The following TKTL1 variants were observed in gnomAD, a reference collection of about 807,000 sequenced individuals.
The protein encoded by TKTL1 is transketolase-like protein 1.
TKTL1 carries 1 observed loss-of-function variant against 39.3 expected under a neutral mutation model. That is an observed-to-expected ratio of 0.03 (90% CI 0.01 to 0.12). The LOEUF (loss-of-function observed/expected upper bound fraction) is 0.12, where lower values mean the gene tolerates loss of function less well. Ranked by LOEUF, TKTL1 falls within the 10% of genes least tolerant of loss-of-function variation. The pLI is 1.00. For synonymous variants in TKTL1, 262 were observed against 193.8 expected, an observed-to-expected ratio of 1.35 and a Z score of -2.92; for missense variants, 575 against 509.6, an observed-to-expected ratio of 1.13 and a Z score of -1.24.
intron 1 of TKTL1, among the ~76,000 whole-genome samples, chrX:154,298,339 C>CT (rs1557165109): frequency 9.0e-6 from 1 of 111,534 alleles, no homozygotes; most frequent in Admixed American, 9.6e-5. Flanking sequence ...CTCTCAGCCT[C>CT]TTGAGTAGCT....
At chrX:154,315,937 G>T (rs1169338815) in intron 7 of TKTL1, among the ~76,000 whole-genome samples, 1 of 111,622 alleles carries the variant, frequency 9.0e-6, no homozygotes, top group Non-Finnish European at 1.9e-5. Flanking sequence ...AGAGGAAGGA[G>T]TTATGGCCAG....
Position 154,315,262 on chromosome X carries a change from C to T in TKTL1, c.954C>T (p.Tyr318=). ...TTGTGCTGGATGGTGACACCAGGTA[C>T]TCTACTTTCTCTGAGATATTCAACA... The part of the protein sequence containing the change: ...RVVVLDGDTR[Y]STFSEIFNKE... Residue 318 remains tyrosine, a synonymous_variant, in exon 7 of 13, where the codon TAC becomes TAT. Transcript: ENST00000369915. The T allele has an allele frequency of 2.5e-6, 3 of 1,210,783 alleles. No homozygotes were observed. The highest frequency in any genetic ancestry group is 3.4e-6 in the Non-Finnish European group (3 of 894,963).
chrX:154,305,950 G>T (rs1294357056), intron 2 of TKTL1, among the ~76,000 whole-genome samples: 2 of 111,668 alleles, frequency 1.8e-5, no homozygotes, highest in Admixed American at 1.9e-4. Flanking sequence ...AACAAGGTCA[G>T]TTTGAGAATG....
intron 7 of TKTL1, among the ~76,000 whole-genome samples, chrX:154,315,996 A>G (rs782218944): frequency 8.9e-6 from 1 of 112,031 alleles, no homozygotes; most frequent in Non-Finnish European, 1.9e-5. Context: ...GATGATGCCC[A>G]GCTCCTGTCA....
chrX:154,315,147 A>G lies in TKTL1; in HGVS notation c.865-26A>G, dbSNP rs782299754. On this transcript the variant is annotated intron_variant, in intron 6 of 12. Coordinates refer to ENST00000369915, the MANE Select transcript of TKTL1 (RefSeq NM_012253.4). The stretch of plus-strand genomic sequence containing the variant: ...TTCTAAATGCATTTGAAGAAACTCT[A>G]CCACCTGATTGTCTCTGTCTTCTAG... 2.0e-5 allele frequency: 24 copies of G among 1,198,002 alleles called. No individual in the cohort carries two copies. The South Asian group carries it at 4.4e-4, about 22-fold the overall frequency.
intron 1 of TKTL1, among the ~76,000 whole-genome samples, chrX:154,296,250 G>A (rs953488656): frequency 9.0e-6 from 1 of 111,396 alleles, no homozygotes; most frequent in Non-Finnish European, 1.9e-5. Context: ...TTTACCCACG[G>A]CCAAAGTTCT....
chrX:154,302,777 C>CTA (rs2067283575), intron 1 of TKTL1, among the ~76,000 whole-genome samples: 1 of 111,607 alleles, frequency 9.0e-6, no homozygotes, highest in Admixed American at 9.5e-5. Flanking sequence ...AATCCAGTGA[C>CTA]TAGTGTCCTT....
intron 5 of TKTL1, 132 bp from the exon 6 acceptor site, chrX:154,312,448 C>T: frequency 1.6e-6 from 1 of 609,168 alleles, no homozygotes; most frequent in Non-Finnish European, 2.5e-6. Context: ...GCGTCCCAGG[C>T]CCTCTGTGCC....
chrX:154,302,358 C>T (rs1197739436), intron 1 of TKTL1, among the ~76,000 whole-genome samples: 1 of 111,509 alleles, frequency 9.0e-6, no homozygotes, highest in Non-Finnish European at 1.9e-5. Context: ...TAAGAAATGC[C>T]AAGACTGGGT....
chrX:154,309,359 G>T lies in TKTL1; in HGVS notation c.267G>T (p.Val89=). The part of the protein sequence containing the change: ...RFVLAKRLSF[V]DVATGWLGQG... ...TTCTCTTACAGAGACTGTCGTTTGT[G>T]GATGTGGCAACAGGATGGCTCGGAC... Residue 89 remains valine (V), a synonymous_variant, in exon 3 of 13, where the codon GTG becomes GTT. Transcript: ENST00000369915. 8.3e-7 allele frequency: 1 copy of T among 1,211,377 alleles called. No homozygotes were observed. Among genetic ancestry groups the T allele is most frequent in the Non-Finnish European group, 1.1e-6 (1 of 894,880 alleles).
intron 12 of TKTL1, among the ~76,000 whole-genome samples, chrX:154,328,592 A>AAAAAAAG (rs2067512413): frequency 1.1e-5 from 1 of 92,199 alleles, no homozygotes; most frequent in Non-Finnish European, 2.1e-5. Context: ...AAAAAAAAAA[A>AAAAAAAG]GTGTGCCCCG....
chrX:154,319,170 A>G (rs1557170086), intron 7 of TKTL1, among the ~76,000 whole-genome samples: 1 of 112,310 alleles, frequency 8.9e-6, no homozygotes, highest in African/African-American at 3.2e-5. Flanking sequence ...AAGTTTTGTT[A>G]GAGGAATGTC....
intron 1 of TKTL1, among the ~76,000 whole-genome samples, chrX:154,303,866 G>A (rs1461632824): frequency 1.9e-5 from 2 of 107,248 alleles, no homozygotes; most frequent in Non-Finnish European, 3.9e-5. Flanking sequence ...GCTCATTCAG[G>A]TCATCGTGTT....
At chrX:154,304,775 C>T in intron 1 of TKTL1, 2 of 243,231 alleles carry the variant, frequency 8.2e-6, no homozygotes, top group South Asian at 4.4e-5. Flanking sequence ...CTTGTCCCCT[C>T]CCCCTTTTTA....
Position 154,311,047 on chromosome X carries a change from C to A in TKTL1, c.542+20C>A, listed in dbSNP as rs1557168232. 9.1e-6 allele frequency: 11 copies of A among 1,211,174 alleles called. No individual in the cohort carries two copies. The highest frequency in any genetic ancestry group is 1.2e-5 in the Non-Finnish European group (11 of 894,948). Reference sequence around the variant, plus strand: ...CTTTGGGTAACTGTATTCTCTTGTGCTTGATTTCCATTCTGTCCTGCCCCC... The same window carrying A: ...CTTTGGGTAACTGTATTCTCTTGTGATTGATTTCCATTCTGTCCTGCCCCC... On this transcript the variant is annotated intron_variant, in intron 4 of 12. Transcript: ENST00000369915.
At chrX:154,309,494 C>T in intron 3 of TKTL1, 52 bp downstream of exon 3, 1 of 1,044,772 alleles carries the variant, frequency 9.6e-7, no homozygotes. Flanking sequence ...ACATCCCCTT[C>T]CTAGAGTCTC....
chrX:154,328,317 G>C (rs2067509104), intron 12 of TKTL1, among the ~76,000 whole-genome samples: 1 of 109,376 alleles, frequency 9.1e-6, no homozygotes, highest in African/African-American at 3.3e-5. Context: ...GCCGAGGCAG[G>C]TAGAGATCAC....
chrX:154,314,230 A>G (rs2067379847), intron 6 of TKTL1, among the ~76,000 whole-genome samples: 1 of 111,789 alleles, frequency 8.9e-6, no homozygotes, highest in African/African-American at 3.3e-5. Flanking sequence ...ACGGAGGAAG[A>G]TGAAAATGTC....
intron 6 of TKTL1, among the ~76,000 whole-genome samples, chrX:154,313,466 A>G (rs973271989): frequency 1.8e-5 from 2 of 112,233 alleles, no homozygotes; most frequent in African/African-American, 6.5e-5. Flanking sequence ...TATGGCCTAG[A>G]GGAAGTAAGG....
Sources: gnomAD v4.1 joint callset for allele counts (sites outside exome capture counted in the v4.1 genomes callset) on GRCh38, gnomAD v4.1.1 for gene constraint, MANE v1.5 for transcripts, NCBI Gene and HGNC (gene_info 2026-07-23, HGNC 2026-07-21) for gene names.